KCNA3: variants seen among roughly 807,000 people sequenced by gnomAD.
The protein encoded by KCNA3 is RP11-284N8.3.
KCNA3 carries 18 observed loss-of-function variants against 34.3 expected under a neutral mutation model. The ratio of observed to expected loss-of-function variants is 0.52; its 90% CI spans 0.36 to 0.78. KCNA3 has a LOEUF of 0.78. KCNA3 is among the 30% of genes least tolerant of loss of function. KCNA3 has a pLI of 0.00. For missense variants in KCNA3, 587 were observed against 802.5 expected (o/e 0.73, Z 3.24); for synonymous variants, 324 against 351.7 (o/e 0.92, Z 0.88).
downstream of KCNA3, among the ~76,000 whole-genome samples, chr1:110,672,226 T>C (rs1287886346): frequency 3.9e-5 from 6 of 152,192 alleles, no homozygotes; most frequent in Non-Finnish European, 1.5e-5. Context: ...AATTAGTAAC[T>C]TCCGCTGGAA....
chr1:110,657,003 A>G, the KCNA3 span: 1 of 146,842 alleles, frequency 6.8e-6, no homozygotes, highest in Non-Finnish European at 1.5e-5. Flanking sequence ...ATCTTACTTC[A>G]TGTTTCTTTC....
At chr1:110,659,051 T>G in the KCNA3 span, among the ~76,000 whole-genome samples, 1 of 152,172 alleles carries the variant, frequency 6.6e-6, no homozygotes, top group South Asian at 2.1e-4. Flanking sequence ...TATATGTAAA[T>G]GGGCTAATCT....
At position 110,673,050 on chromosome 1, in the gene KCNA3, T is replaced by C. The variant is rs756902323; in HGVS notation, c.*32A>G. 6.3e-7 allele frequency: 1 copy of C among 1,579,340 alleles called. No individual in the cohort carries two copies. Among genetic ancestry groups the C allele is most frequent in the South Asian group, 1.2e-5 (1 of 83,454 alleles). On this transcript the variant is annotated 3_prime_UTR_variant, in exon 1 of 1. Transcript: ENST00000369769. The surrounding 1 kb of genome is among the most constrained non-coding windows in gnomAD (Gnocchi z 8.8). ...GACCAAGGGGGCACGTTCCACACAA[T>C]ACTGAGCACAGCATGTCACTTGTAT...
chr1:110,654,316 C>T, the KCNA3 span: 1 of 152,080 alleles, frequency 6.6e-6, no homozygotes, highest in Non-Finnish European at 1.5e-5. Context: ...CAGTTTTTCT[C>T]CCCAGTCCCT....
chr1:110,674,345 G>A lies in KCNA3; in HGVS notation c.465C>T (p.Ser155=), dbSNP rs1330628851. 2 of 1,614,230 alleles carry A rather than the reference G, an allele frequency of 1.2e-6. No homozygotes were observed. The highest frequency in any genetic ancestry group is 2.2e-5 in the South Asian group (2 of 91,088). Reference sequence around the variant, plus strand: ...GATAGTAGTAGAGGATGGCGTCGAAGCTGGGCCGGTTGCGGTCGAAGAAGT... The same window carrying A: ...GATAGTAGTAGAGGATGGCGTCGAAACTGGGCCGGTTGCGGTCGAAGAAGT... ...NEYFFDRNRP[S]FDAILYYYQS... Residue 155 remains serine (S), a synonymous_variant, in exon 1 of 1, where the codon AGC becomes AGT. Transcript: ENST00000369769. This position sits in a 1 kb window ranked among gnomAD's most constrained non-coding sequence, Gnocchi z 6.4.
chr1:110,669,980 T>C (rs902738404), downstream of KCNA3, among the ~76,000 whole-genome samples: 2 of 152,214 alleles, frequency 1.3e-5, no homozygotes, highest in Non-Finnish European at 2.9e-5. Context: ...TTATTTTTTC[T>C]AAGTGTTCTA....
In KCNA3 at chr1:110,674,309, G is replaced by C; in HGVS notation, c.501C>G (p.Gly167=). 6.2e-7 allele frequency: 1 copy of C among 1,614,174 alleles called. No homozygotes were observed. The highest frequency in any genetic ancestry group is 1.1e-5 in the South Asian group (1 of 91,088). The change falls in exon 1 of 1, where the codon GGC becomes GGG. Residue 167 remains glycine (G), a synonymous_variant. Transcript: ENST00000369769. The surrounding 1 kb of genome is among the most constrained non-coding windows in gnomAD (Gnocchi z 6.4). ...DAILYYYQSG[G]RIRRPVNVPI... The stretch of plus-strand genomic sequence containing the variant: ...GCACGTTGACCGGCCGGCGGATGCG[G>C]CCCCCGGACTGATAGTAGTAGAGGA...
the KCNA3 span, among the ~76,000 whole-genome samples, chr1:110,663,518 G>A: frequency 6.6e-6 from 1 of 152,200 alleles, no homozygotes; most frequent in African/African-American, 2.4e-5. Flanking sequence ...GCCTGAAAAT[G>A]CAGGGAAAGG....
downstream of KCNA3, among the ~76,000 whole-genome samples, chr1:110,667,972 T>C (rs1422879540): frequency 6.6e-6 from 1 of 152,140 alleles, no homozygotes; most frequent in Admixed American, 6.5e-5. Context: ...TCTGATTGGC[T>C]TCTACTCCCT....
downstream of KCNA3, among the ~76,000 whole-genome samples, chr1:110,670,872 T>C (rs1330707927): frequency 6.6e-6 from 1 of 152,196 alleles, no homozygotes. Context: ...ATTATAAATG[T>C]ACTCCTAACT....
At chr1:110,660,085 T>C in the KCNA3 span, among the ~76,000 whole-genome samples, 13 of 152,092 alleles carry the variant, frequency 8.5e-5, no homozygotes, top group Non-Finnish European at 1.6e-4. Flanking sequence ...AAGTATAATT[T>C]TTTAAAAAAA....
the KCNA3 span, among the ~76,000 whole-genome samples, chr1:110,662,042 G>A: frequency 6.9e-6 from 1 of 144,380 alleles, no homozygotes; most frequent in Non-Finnish European, 1.5e-5. Context: ...GAACCCGGGA[G>A]GCAAAACTTG....
downstream of KCNA3, among the ~76,000 whole-genome samples, chr1:110,670,900 T>C (rs1651863588): frequency 6.6e-6 from 1 of 152,292 alleles, no homozygotes; most frequent in South Asian, 2.1e-4. Context: ...CTTCATGGGC[T>C]TTAAAAATAG....
At chr1:110,665,372 C>T in the KCNA3 span, among the ~76,000 whole-genome samples, 1,403 of 152,100 alleles carry the variant, frequency 9.2e-3, 23 homozygotes, top group African/African-American at 0.032. Flanking sequence ...ACACAGTGGA[C>T]TAAATAAGGG....
At chr1:110,657,474 T>C in the KCNA3 span, among the ~76,000 whole-genome samples, 3 of 152,298 alleles carry the variant, frequency 2.0e-5, no homozygotes, top group African/African-American at 7.2e-5. Flanking sequence ...CCTAGTAATG[T>C]AACAGATTTA....
chr1:110,661,432 C>A, the KCNA3 span, among the ~76,000 whole-genome samples: 2 of 152,186 alleles, frequency 1.3e-5, no homozygotes, highest in Non-Finnish European at 2.9e-5. Flanking sequence ...AGTACGTTCA[C>A]AGTATGCTTA....
At position 110,674,560 on chromosome 1, in the gene KCNA3, C is replaced by G. The variant is rs953542275; in HGVS notation, c.250G>C (p.Asp84His). The change falls in exon 1 of 1, where the codon GAC becomes CAC. Residue 84 changes from aspartate to histidine, a missense_variant. By Grantham distance (81) the Asp-to-His change is moderately conservative. Around this residue, in one of 7 missense-constraint regions of KCNA3, gnomAD observed 341 missense variants for 355.4 expected, o/e 0.96. Coordinates refer to ENST00000369769, the MANE Select transcript of KCNA3 (RefSeq NM_002232.5). This position sits in a 1 kb window ranked among gnomAD's most constrained non-coding sequence, Gnocchi z 6.4. ...GAGGGCGGCAGCGGCTCGTAGCGGT[C>G]GCAGCCGCCGCCGCCACAGCCGCCT... ...PQGGCGGGGCDRYEPLPPSLP... is the reference protein window; with the variant it reads ...PQGGCGGGGCHRYEPLPPSLP... 3 of 1,553,644 alleles carry G rather than the reference C, an allele frequency of 1.9e-6. No individual in the cohort carries two copies. The highest frequency in any genetic ancestry group is 2.6e-6 in the Non-Finnish European group (3 of 1,154,524).
At chr1:110,657,534 T>C in the KCNA3 span, among the ~76,000 whole-genome samples, 1 of 152,196 alleles carries the variant, frequency 6.6e-6, no homozygotes, top group Non-Finnish European at 1.5e-5. Flanking sequence ...TCTACTGTTA[T>C]CTAAACCAGT....
At chr1:110,657,534 T>A in the KCNA3 span, among the ~76,000 whole-genome samples, 1 of 152,196 alleles carries the variant, frequency 6.6e-6, no homozygotes, top group Non-Finnish European at 1.5e-5. Context: ...TCTACTGTTA[T>A]CTAAACCAGT....
Sources: allele counts gnomAD v4.1 joint callset (sites outside exome capture counted in the v4.1 genomes callset), GRCh38; gene constraint gnomAD v4.1.1; regional missense constraint gnomAD v4.1.1; non-coding constraint Gnocchi (gnomAD v3.1); transcripts MANE v1.5; gene names NCBI Gene and HGNC (gene_info 2026-07-23, HGNC 2026-07-21).